Variants in CASK observed in about 807,000 individuals in gnomAD.
CASK encodes peripheral plasma membrane protein CASK.
In CASK, 4 loss-of-function variants were observed where a neutral mutation model predicts 82.9. The observed-to-expected ratio is 0.05, with a 90% CI of 0.02 to 0.11. The LOEUF (loss-of-function observed/expected upper bound fraction) is 0.11, where lower values mean the gene tolerates loss of function less well. CASK is among the 10% of genes least tolerant of loss of function. The pLI, the probability that CASK is intolerant of heterozygous loss-of-function variation, is 1.00. For synonymous variants in CASK, 259 were observed against 253.5 expected (o/e 1.02, Z -0.20); for missense variants, 358 against 720.9 (o/e 0.50, Z 5.76).
chrX:41,666,460 C>T (rs1165876847), intron 6 of CASK, among the ~76,000 whole-genome samples: 1 of 112,036 alleles, frequency 8.9e-6, no homozygotes, highest in East Asian at 2.8e-4. Context: ...TTTCATCATA[C>T]TGAGTTCAAG....
intron 1 of CASK, among the ~76,000 whole-genome samples, chrX:41,896,697 G>T (rs2072276607): frequency 9.0e-6 from 1 of 111,674 alleles, no homozygotes; most frequent in Non-Finnish European, 1.9e-5. Context: ...GATTTATAGG[G>T]TATGTGAGAT....
chrX:41,691,921 C>CT (rs894043025), intron 5 of CASK, among the ~76,000 whole-genome samples: 9 of 106,439 alleles, frequency 8.5e-5, no homozygotes, highest in Non-Finnish European at 1.4e-4. Context: ...TTCTTTCTTC[C>CT]TTTTTTTATT....
At chrX:41,631,498 C>T (rs896519177) in intron 9 of CASK, among the ~76,000 whole-genome samples, 40 of 111,443 alleles carry the variant, frequency 3.6e-4, no homozygotes, top group African/African-American at 1.3e-3. Context: ...GATAGAATTT[C>T]GCTCTTGTTG....
chrX:41,555,807 C>G (rs1222325802), intron 19 of CASK, 172 bp from the exon 20 acceptor site: 1 of 433,572 alleles, frequency 2.3e-6, no homozygotes, highest in Non-Finnish European at 4.1e-6. Context: ...AAAAGTCAAA[C>G]CCAGGCCATT....
intron 5 of CASK, among the ~76,000 whole-genome samples, chrX:41,694,185 C>A (rs1186805241): frequency 8.9e-6 from 1 of 112,486 alleles, no homozygotes; most frequent in Non-Finnish European, 1.9e-5. Context: ...TAAGCAGTCA[C>A]TATGTGCCAG....
At chrX:41,619,263 G>A (rs2066251122) in intron 11 of CASK, among the ~76,000 whole-genome samples, 2 of 110,047 alleles carry the variant, frequency 1.8e-5, no homozygotes, top group Non-Finnish European at 3.8e-5. Context: ...TAATTCATTT[G>A]GCAATAAAGT....
intron 2 of CASK, among the ~76,000 whole-genome samples, chrX:41,849,637 A>G (rs191128015): frequency 7.0e-4 from 78 of 111,960 alleles, no homozygotes; most frequent in Middle Eastern, 4.7e-3. Flanking sequence ...AATAAACATA[A>G]TTCTGCTTAC....
chrX:41,738,437 C>T (rs905218964), intron 5 of CASK, among the ~76,000 whole-genome samples: 62 of 112,451 alleles, frequency 5.5e-4, no homozygotes, highest in African/African-American at 2.0e-3. Context: ...TTTTCATTTG[C>T]TATTAAAATA....
chrX:41,562,734 G>C (rs1471791828), intron 16 of CASK: 2 of 111,075 alleles, frequency 1.8e-5, no homozygotes, highest in African/African-American at 6.5e-5. Flanking sequence ...ACAGTACTTA[G>C]AGGGAGAGTT....
At chrX:41,815,985 C>T (rs1357997421) in intron 2 of CASK, among the ~76,000 whole-genome samples, 1 of 110,930 alleles carries the variant, frequency 9.0e-6, no homozygotes. Flanking sequence ...CTCAACTTCC[C>T]AGGTAGCTGG....
rs757574747 is a variant in CASK, at chrX:41,860,663, A to G, written c.60-7436T>C. Among the ~76,000 whole-genome samples the G allele has an allele frequency of 1.7e-4, 19 of 112,181 alleles. No homozygotes were observed. In the Admixed American group the frequency reaches 1.8e-3, roughly 11 times the overall value. ...AAGGGAACAGAGATGCTGTCCTGAC[A>G]CTTTTTAACACTTCTGGTACCCATC... On this transcript the variant is annotated intron_variant, in intron 1 of 26. Transcript: ENST00000378163.
chrX:41,791,293 C>T (rs1425684207), intron 2 of CASK, among the ~76,000 whole-genome samples: 1 of 110,071 alleles, frequency 9.1e-6, no homozygotes, highest in East Asian at 2.8e-4. Flanking sequence ...AGTCTTTATC[C>T]CTCACCTCCC....
chrX:41,690,302 AC>A (rs1569398689), intron 5 of CASK, among the ~76,000 whole-genome samples: 1 of 109,350 alleles, frequency 9.1e-6, no homozygotes, highest in African/African-American at 3.3e-5. Flanking sequence ...AGAAAAAAAA[AC>A]AGTCACCAAG....
At chrX:41,766,785 G>A (rs1602590372) in intron 3 of CASK, among the ~76,000 whole-genome samples, 2 of 111,318 alleles carry the variant, frequency 1.8e-5, no homozygotes, top group African/African-American at 6.5e-5. Flanking sequence ...TACCTGGGGG[G>A]CTGAGGCAGG....
intron 5 of CASK, among the ~76,000 whole-genome samples, chrX:41,721,341 CAT>C (rs1009944455): frequency 7.2e-5 from 8 of 111,413 alleles, no homozygotes; most frequent in South Asian, 3.8e-4. Flanking sequence ...ATAAAATTTA[CAT>C]ATATTTCAAT....
chrX:41,667,537 G>A (rs756581869), intron 6 of CASK, among the ~76,000 whole-genome samples: 1 of 111,751 alleles, frequency 8.9e-6, no homozygotes, highest in Non-Finnish European at 1.9e-5. Flanking sequence ...GAATTGTTCT[G>A]AATAGCTACA....
At chrX:41,882,490 T>TTTACA (rs2071970304) in intron 1 of CASK, among the ~76,000 whole-genome samples, 1 of 111,561 alleles carries the variant, frequency 9.0e-6, no homozygotes, top group Admixed American at 9.6e-5. Context: ...ATTGAGCACA[T>TTTACA]TTACATAAAG....
At chrX:41,894,374 A>G (rs959815385) in intron 1 of CASK, among the ~76,000 whole-genome samples, 1 of 110,961 alleles carries the variant, frequency 9.0e-6, no homozygotes, top group African/African-American at 3.3e-5. Context: ...AACCTGTAAG[A>G]TAAGACAGCA....
chrX:41,899,879 C>T (rs1193021243), intron 1 of CASK, among the ~76,000 whole-genome samples: 2 of 111,121 alleles, frequency 1.8e-5, no homozygotes, highest in Non-Finnish European at 1.9e-5. Context: ...CATATGTTTT[C>T]GTGTTGTTAG....
Sources: gnomAD v4.1 joint callset for allele counts (sites outside exome capture counted in the v4.1 genomes callset) on GRCh38, gnomAD v4.1.1 for gene constraint, MANE v1.5 for transcripts, NCBI Gene and HGNC (gene_info 2026-07-23, HGNC 2026-07-21) for gene names.